The following PATJ variants were observed in gnomAD, a reference collection of about 807,000 sequenced individuals.
PATJ encodes inaD-like protein.
Under a neutral mutation model 224.9 loss-of-function variants are expected in PATJ, and 190 were observed. That is an observed-to-expected ratio of 0.84 (90% CI 0.75 to 0.95). The LOEUF (loss-of-function observed/expected upper bound fraction) is 0.95, where lower values mean the gene tolerates loss of function less well. Among genes scored for constraint, PATJ ranks in the 40% least tolerant of loss-of-function variants. The pLI is 0.00. For missense variants in PATJ, 2,121 were observed against 2,270.3 expected, an observed-to-expected ratio of 0.93 and a Z score of 1.34; for synonymous variants, 769 against 820.3, an observed-to-expected ratio of 0.94 and a Z score of 1.07.
intron 1 of PATJ, among the ~76,000 whole-genome samples, chr1:61,750,168 A>G (rs1645241048): frequency 6.6e-6 from 1 of 152,220 alleles, no homozygotes; most frequent in Non-Finnish European, 1.5e-5. Context: ...CAAAGAAGTT[A>G]GTGGAACCAC....
intron 28 of PATJ, among the ~76,000 whole-genome samples, chr1:61,992,495 A>T (rs1645128061): frequency 6.6e-6 from 1 of 152,184 alleles, no homozygotes; most frequent in Non-Finnish European, 1.5e-5. Flanking sequence ...GTCTTCAGGG[A>T]ATCATGTACA....
chr1:61,742,486 GC>G lies in PATJ; in HGVS notation c.-102del, dbSNP rs1204341708. The G allele has an allele frequency of 6.6e-6, 1 of 152,212 alleles. No homozygotes were observed. The highest frequency in any genetic ancestry group is 2.4e-5 in the African/African-American group (1 of 41,418). 9.4% of individuals were successfully genotyped at this position (152,212 alleles called of 1,614,324 possible). On this transcript the variant is annotated 5_prime_UTR_variant, in exon 1 of 44. Coordinates refer to ENST00000642238, the MANE Select transcript of PATJ (RefSeq NM_001350145.3). The stretch of plus-strand genomic sequence containing the variant: ...CGGTCACCCTGGGCCTCTCACTTCC[GC>G]CCAGGTGAGGCAGGGCCGACACCGA...
intron 26 of PATJ, among the ~76,000 whole-genome samples, chr1:61,926,372 G>A (rs1675210235): frequency 1.3e-5 from 2 of 152,104 alleles, no homozygotes. Flanking sequence ...AAATAAATCA[G>A]TGGTACAGTT....
chr1:61,814,267 C>T (rs1655577973), intron 14 of PATJ, among the ~76,000 whole-genome samples: 1 of 151,526 alleles, frequency 6.6e-6, no homozygotes, highest in Non-Finnish European at 1.5e-5. Context: ...CCTCAGCCTC[C>T]CGAGTAGCTG....
At chr1:61,764,778 C>A (rs1161276961) in intron 3 of PATJ, among the ~76,000 whole-genome samples, 1 of 151,904 alleles carries the variant, frequency 6.6e-6, no homozygotes, top group Non-Finnish European at 1.5e-5. Flanking sequence ...GAATTTATAC[C>A]CTAATTTTAG....
At chr1:62,124,901 G>A (rs1665510555) in intron 39 of PATJ, among the ~76,000 whole-genome samples, 1 of 152,024 alleles carries the variant, frequency 6.6e-6, no homozygotes, top group Non-Finnish European at 1.5e-5. Flanking sequence ...GCTTCAACAT[G>A]TGAATCTTAG....
intron 41 of PATJ, among the ~76,000 whole-genome samples, chr1:62,136,015 A>AT (rs374594803): frequency 0.064 from 4,052 of 63,802 alleles, 890 homozygotes; most frequent in East Asian, 0.17. Flanking sequence ...AGACCATTAG[A>AT]TTTTTTTTTT....
At position 61,801,609 on chromosome 1, in the gene PATJ, T is replaced by A. The variant is rs771247105; in HGVS notation, c.1403-14T>A. 9 of 1,462,872 alleles carry A rather than the reference T, an allele frequency of 6.2e-6. No homozygotes were observed. Among genetic ancestry groups the A allele is most frequent in the Non-Finnish European group, 6.4e-6 (7 of 1,100,348 alleles). 90.6% of individuals were successfully genotyped at this position (1,462,872 alleles called of 1,614,324 possible). On this transcript the variant is annotated splice_polypyrimidine_tract_variant and intron_variant, in intron 11 of 43. Coordinates refer to ENST00000642238, the MANE Select transcript of PATJ (RefSeq NM_001350145.3). ...ATTAACAAAATTTTAAAAAATTATT[T>A]TTTTTTGTTTTAGGAACTGTTGTAG...
intron 25 of PATJ, among the ~76,000 whole-genome samples, chr1:61,908,800 T>G (rs2149202944): frequency 6.6e-6 from 1 of 152,334 alleles, no homozygotes; most frequent in Non-Finnish European, 1.5e-5. Context: ...CCAGTTACTT[T>G]GTTTATGAAA....
chr1:61,759,595 A>C (rs1257092052), intron 1 of PATJ, among the ~76,000 whole-genome samples: 2 of 152,126 alleles, frequency 1.3e-5, no homozygotes, highest in African/African-American at 4.8e-5. Context: ...TTTTTAGTAC[A>C]CAAGGTTTCA....
intron 1 of PATJ, among the ~76,000 whole-genome samples, chr1:61,750,324 A>T (rs956964966): frequency 6.6e-6 from 1 of 151,870 alleles, no homozygotes; most frequent in African/African-American, 2.4e-5. Context: ...GGGACAGGTC[A>T]GTTTCATTTC....
chr1:62,115,584 C>G (rs1046089264), intron 35 of PATJ, among the ~76,000 whole-genome samples: 7 of 149,562 alleles, frequency 4.7e-5, no homozygotes, highest in Non-Finnish European at 1.0e-4. Flanking sequence ...TAGCTTGAAA[C>G]AAAGCCTAGC....
intron 17 of PATJ, among the ~76,000 whole-genome samples, chr1:61,854,816 A>G (rs999313164): frequency 3.9e-5 from 6 of 152,226 alleles, no homozygotes; most frequent in Non-Finnish European, 8.8e-5. Flanking sequence ...GGAGATATAA[A>G]TTGGTTTTCA....
intron 33 of PATJ, among the ~76,000 whole-genome samples, chr1:62,084,879 A>G (rs2148758249): frequency 6.6e-6 from 1 of 152,316 alleles, no homozygotes; most frequent in South Asian, 2.1e-4. Flanking sequence ...GCACTTTGGG[A>G]GGCCAAGGCA....
At chr1:62,150,298 T>C (rs1332524706) in intron 42 of PATJ, among the ~76,000 whole-genome samples, 4 of 152,186 alleles carry the variant, frequency 2.6e-5, no homozygotes, top group Non-Finnish European at 2.9e-5. Flanking sequence ...TCCTGAGGAC[T>C]CAAACTTAGA....
Position 62,046,131 on chromosome 1 carries a change from G to A in PATJ, c.4033-4835G>A, listed in dbSNP as rs576048640. Among the ~76,000 whole-genome samples the A allele has an allele frequency of 2.5e-3, 383 of 151,954 alleles. 3 individuals carry two copies. Among genetic ancestry groups the A allele is most frequent in the African/African-American group, 8.9e-3 (369 of 41,404 alleles). On this transcript the variant is annotated intron_variant, in intron 30 of 43. Transcript: ENST00000642238. Reference sequence around the variant, plus strand: ...GTGGGAGGATCACCTGGGCCCAAGAGGTCGAGGCTTCAGTGAGCTGTGATC... The same window carrying A: ...GTGGGAGGATCACCTGGGCCCAAGAAGTCGAGGCTTCAGTGAGCTGTGATC...
In PATJ at chr1:61,971,483, G is replaced by A. The variant is rs1029691726; in HGVS notation, c.3671-18685G>A. Among the ~76,000 whole-genome samples, 11 of 151,890 alleles carry A rather than the reference G, an allele frequency of 7.2e-5. No individual in the cohort carries two copies. In the South Asian group the frequency reaches 2.1e-3, roughly 29 times the overall value. On this transcript the variant is annotated intron_variant, in intron 27 of 43. Transcript: ENST00000642238. ...TTAAAAATTAGCCAGGCATGGTGGT[G>A]CATGCCTGTAGTCCCAGCTACTCAG...
At chr1:62,116,711 G>A (rs759422733) in intron 36 of PATJ, 32 bp downstream of exon 36, 1 of 1,585,844 alleles carries the variant, frequency 6.3e-7, no homozygotes, top group South Asian at 1.1e-5. Flanking sequence ...TACCCAGCTG[G>A]CACAACTGAA....
At chr1:62,117,074 T>A (rs1004198462) in intron 36 of PATJ, 58 bp from the exon 37 acceptor site, 6 of 1,387,148 alleles carry the variant, frequency 4.3e-6, no homozygotes, top group Non-Finnish European at 5.1e-6. Flanking sequence ...TCTGTTAAGA[T>A]ATTTCAGAAT....
Sources: gnomAD v4.1 joint callset for allele counts (sites outside exome capture counted in the v4.1 genomes callset) on GRCh38, gnomAD v4.1.1 for gene constraint, MANE v1.5 for transcripts, NCBI Gene and HGNC (gene_info 2026-07-23, HGNC 2026-07-21) for gene names.